PCYT1A: variants seen among roughly 807,000 people sequenced by gnomAD.
PCYT1A encodes the protein choline-phosphate cytidylyltransferase A.
In PCYT1A, 25 loss-of-function variants were observed where a neutral mutation model predicts 43.7. The observed-to-expected ratio is 0.57, with a 90% confidence interval of 0.42 to 0.80. The LOEUF is 0.80. Among genes scored for constraint, PCYT1A ranks in the 30% least tolerant of loss-of-function variants. PCYT1A has a pLI of 0.00. For missense variants in PCYT1A, 421 were observed against 474.2 expected (o/e 0.89, Z 1.04); for synonymous variants, 172 against 170.7 (o/e 1.01, Z -0.06).
intron 3 of PCYT1A, 41 bp from the exon 4 acceptor site, chr3:196,248,364 T>G (rs747453156): frequency 8.4e-7 from 1 of 1,197,558 alleles, no homozygotes; most frequent in African/African-American, 1.5e-5. Context: ...AATACCTTTT[T>G]TTTTGTCATT....
chr3:196,245,428 C>G (rs920265055), intron 5 of PCYT1A, among the ~76,000 whole-genome samples: 2 of 152,184 alleles, frequency 1.3e-5, no homozygotes, highest in Non-Finnish European at 2.9e-5. Flanking sequence ...GCGTGAGCCA[C>G]AGCGCCTGGC....
intron 3 of PCYT1A, among the ~76,000 whole-genome samples, chr3:196,250,010 G>A (rs934343267): frequency 1.0e-4 from 12 of 114,402 alleles, no homozygotes; most frequent in African/African-American, 3.0e-4. Flanking sequence ...ACACCATGCC[G>A]AGGCTGAGGA....
intron 2 of PCYT1A, among the ~76,000 whole-genome samples, chr3:196,262,525 TAA>T (rs1577367202): frequency 6.6e-6 from 1 of 152,216 alleles, no homozygotes; most frequent in South Asian, 2.1e-4. Context: ...AAATGCTATA[TAA>T]ACTTTCCAAA....
rs111908743 is a variant in PCYT1A at position 196,238,032 on chromosome 3, T to A, written c.*656A>T. 6.6e-6 allele frequency: 1 copy of A among 152,310 alleles called. No individual in the cohort carries two copies. Among genetic ancestry groups the A allele is most frequent in the South Asian group, 2.1e-4 (1 of 4,828 alleles). 9.4% of individuals were successfully genotyped at this position (152,310 alleles called of 1,614,324 possible). On this transcript the variant is annotated 3_prime_UTR_variant, in exon 9 of 9. Transcript: ENST00000431016. ...CCCATCAGTGTCTTCATGGACCCCA[T>A]TGGGTCCAACAAGAAACTCCTCAGG...
rs1349717212 is a variant in PCYT1A, at chr3:196,268,916, T to A, written c.117+1499A>T. Among the ~76,000 whole-genome samples the A allele has an allele frequency of 2.0e-5, 3 of 152,200 alleles. No homozygotes were observed. The highest frequency in any genetic ancestry group is 4.4e-5 in the Non-Finnish European group (3 of 68,032). ...CCGAACGTAATCACAAGAGTCCTTG[T>A]AAGTGAAAAGGGGAAGTAGGAGGTT... On this transcript the variant is annotated intron_variant, in intron 2 of 8. Coordinates refer to ENST00000431016, the MANE Select transcript of PCYT1A (RefSeq NM_001312673.2). The surrounding 1 kb of genome is among the most constrained non-coding windows in gnomAD (Gnocchi z 4.4).
chr3:196,283,492 A>G (rs2108784199), intron 1 of PCYT1A: 1 of 152,318 alleles, frequency 6.6e-6, no homozygotes, highest in East Asian at 1.9e-4. Flanking sequence ...AATGCCAAAT[A>G]TGAGACTCAT....
Position 196,234,888 on chromosome 3 carries a change from C to A in PCYT1A, c.*3800G>T, listed in dbSNP as rs931095042. ...TTCTATGAGAGAAAACAAGAACAAT[C>A]ATTGTTATGACTTTGAAAAATAGAA... is the stretch of plus-strand genomic sequence containing the variant. On this transcript the variant is annotated 3_prime_UTR_variant, in exon 9 of 9. Coordinates refer to ENST00000431016, the MANE Select transcript of PCYT1A (RefSeq NM_001312673.2). 1.3e-5 allele frequency: 2 copies of A among 152,160 alleles called. No individual in the cohort carries two copies. Among genetic ancestry groups the A allele is most frequent in the Non-Finnish European group, 2.9e-5 (2 of 68,028 alleles). 9.4% of individuals were successfully genotyped at this position (152,160 alleles called of 1,614,324 possible).
Position 196,277,958 on chromosome 3 carries a change from A to G in PCYT1A, c.-10-7417T>C, listed in dbSNP as rs1352676756. On this transcript the variant is annotated intron_variant, in intron 1 of 8. Transcript: ENST00000431016. This position sits in a 1 kb window ranked among gnomAD's most constrained non-coding sequence, Gnocchi z 4.1. The stretch of plus-strand genomic sequence containing the variant: ...TTCCCGGCCTTCTTATGCCATCCCA[A>G]TGTTCTCTCACATCTACTAACTTAT... Among the ~76,000 whole-genome samples, 1 of 152,166 alleles carries G rather than the reference A, an allele frequency of 6.6e-6. No homozygotes were observed. The highest frequency in any genetic ancestry group is 1.5e-5 in the Non-Finnish European group (1 of 68,026).
chr3:196,281,940 C>T (rs989319260), intron 1 of PCYT1A, among the ~76,000 whole-genome samples: 5 of 152,310 alleles, frequency 3.3e-5, no homozygotes, highest in African/African-American at 1.2e-4. Context: ...ATCCTCCCAC[C>T]TCAGCCTCCC....
In PCYT1A at chr3:196,242,363, C is replaced by T. The variant is rs968756109; in HGVS notation, c.565+199G>A. ...GAGATATCCAAAGTAGATGTTTAGA[C>T]CAAGAATTGATGGATGTCATGAACT... is the stretch of plus-strand genomic sequence containing the variant. On this transcript the variant is annotated intron_variant, in intron 6 of 8. Coordinates refer to ENST00000431016, the MANE Select transcript of PCYT1A (RefSeq NM_001312673.2). The surrounding 1 kb of genome is among the most constrained non-coding windows in gnomAD (Gnocchi z 4.2). 6.1e-5 allele frequency: 43 copies of T among 700,474 alleles called. No individual in the cohort carries two copies. The Admixed American group carries it at 7.8e-4, about 13-fold the overall frequency. The allele number at this position is 700,474 out of a possible 1,614,324, so 43.4% of individuals were successfully genotyped here. A position where few individuals can be genotyped will look rare whatever the true frequency, so the allele number is the denominator to read the frequency against.
In PCYT1A at chr3:196,241,964, T is replaced by C; in HGVS notation, c.692A>G (p.Asn231Ser). The C allele has an allele frequency of 6.2e-7, 1 of 1,614,178 alleles. No individual in the cohort carries two copies. The highest frequency in any genetic ancestry group is 8.5e-7 in the Non-Finnish European group (1 of 1,180,030). ...GGAACTCACGTTGATAAAGCTGACATTGAGCTCCTTTGCTGTGTAGCCCCT... is the reference window on the plus strand; with the variant it reads ...GGAACTCACGTTGATAAAGCTGACACTGAGCTCCTTTGCTGTGTAGCCCCT... ...LQRGYTAKEL[N>S]VSFINEKKYH... is the part of the protein sequence containing the mutation. The change falls in exon 7 of 9, where the codon AAT (asparagine) becomes AGT (serine). Residue 231 changes from asparagine to serine, a missense_variant. Transcript: ENST00000431016.
intron 2 of PCYT1A, among the ~76,000 whole-genome samples, chr3:196,265,948 A>G (rs889742651): frequency 1.3e-5 from 2 of 150,946 alleles, no homozygotes; most frequent in Admixed American, 6.6e-5. Flanking sequence ...CATGTTGGCC[A>G]GACTGGTCTC....
chr3:196,245,095 C>CATACATAAATAA (rs1553829671), intron 5 of PCYT1A, among the ~76,000 whole-genome samples: 38 of 147,928 alleles, frequency 2.6e-4, no homozygotes, highest in African/African-American at 5.5e-4. Context: ...AATAAAAATA[C>CATACATAAATAA]ATAAATAAAT....
chr3:196,247,789 C>G lies in PCYT1A; in HGVS notation c.335-271G>C. 10 of 611,304 alleles carry G rather than the reference C, an allele frequency of 1.6e-5. 1 individual carries two copies. The highest frequency in any genetic ancestry group is 1.5e-4 in the South Asian group (9 of 59,766). The allele number at this position is 611,304 out of a possible 1,614,324, so 37.9% of individuals were successfully genotyped here. Reference sequence around the variant, plus strand: ...CAAGATCTTTGACTCTGAAATAAACCTGCTGTGCGTGTCTGCATCAATTAA... The same window carrying G: ...CAAGATCTTTGACTCTGAAATAAACGTGCTGTGCGTGTCTGCATCAATTAA... On this transcript the variant is annotated intron_variant, in intron 4 of 8. Transcript: ENST00000431016. The surrounding 1 kb of genome is among the most constrained non-coding windows in gnomAD (Gnocchi z 4.8).
intron 3 of PCYT1A, among the ~76,000 whole-genome samples, chr3:196,254,748 C>T (rs538246728): frequency 2.0e-4 from 30 of 152,338 alleles, no homozygotes; most frequent in Admixed American, 5.9e-4. Flanking sequence ...TTATACGCTG[C>T]ACCACTGGTG....
intron 3 of PCYT1A, among the ~76,000 whole-genome samples, chr3:196,253,970 A>G (rs1171665188): frequency 6.7e-6 from 1 of 149,470 alleles, no homozygotes; most frequent in Non-Finnish European, 1.5e-5. Context: ...TACATATTTA[A>G]TATCATTTAT....
chr3:196,266,936 C>T (rs1725290168), intron 2 of PCYT1A, among the ~76,000 whole-genome samples: 2 of 151,422 alleles, frequency 1.3e-5, no homozygotes, highest in Admixed American at 1.3e-4. Flanking sequence ...TTTGGGAGGC[C>T]GAGGCGGGCG....
chr3:196,262,253 A>G (rs1725133396), intron 2 of PCYT1A, among the ~76,000 whole-genome samples: 1 of 152,218 alleles, frequency 6.6e-6, no homozygotes, highest in Non-Finnish European at 1.5e-5. Context: ...TCCCAACTCT[A>G]TCATTTAATA....
chr3:196,264,969 A>T (rs1359530696), intron 2 of PCYT1A, among the ~76,000 whole-genome samples: 1 of 152,178 alleles, frequency 6.6e-6, no homozygotes, highest in Non-Finnish European at 1.5e-5. Context: ...ACTATGGCCA[A>T]TTTCCCCCAC....
Sources: gnomAD v4.1 joint callset for allele counts (sites outside exome capture counted in the v4.1 genomes callset) on GRCh38, gnomAD v4.1.1 for gene constraint, Gnocchi (gnomAD v3.1) non-coding constraint, MANE v1.5 for transcripts, NCBI Gene and HGNC (gene_info 2026-07-23, HGNC 2026-07-21) for gene names.